The following SPOCK1 variants were observed in gnomAD, a reference collection of about 807,000 sequenced individuals.
SPOCK1 encodes SPARC (osteonectin), cwcv and kazal like domains proteoglycan 1.
In SPOCK1, 23 loss-of-function variants were observed where a neutral mutation model predicts 55.3. The ratio of observed to expected loss-of-function variants is 0.42; its 90% CI spans 0.30 to 0.59. SPOCK1 has a LOEUF of 0.59. Among genes scored for constraint, SPOCK1 ranks in the 20% least tolerant of loss-of-function variants. SPOCK1 has a pLI of 0.22. For missense variants in SPOCK1, 499 were observed against 552.5 expected (o/e 0.90, Z 0.97); for synonymous variants, 226 against 221.0 (o/e 1.02, Z -0.20).
At chr5:136,992,690 A>G (rs1750971656) in intron 6 of SPOCK1, 90 bp from the exon 7 acceptor site, 1 of 929,674 alleles carries the variant, frequency 1.1e-6, no homozygotes, top group Non-Finnish European at 1.6e-6. Flanking sequence ...TTCAAAGCAA[A>G]CCTTTCTATC....
chr5:137,332,387 C>A (rs938194011), intron 2 of SPOCK1, among the ~76,000 whole-genome samples: 18 of 152,212 alleles, frequency 1.2e-4, no homozygotes, highest in Non-Finnish European at 1.5e-5. Context: ...CATCTTCTCC[C>A]ACCCCGAGAA....
intron 3 of SPOCK1, among the ~76,000 whole-genome samples, chr5:137,215,444 G>A (rs551432888): frequency 6.6e-6 from 1 of 152,128 alleles, no homozygotes; most frequent in Non-Finnish European, 1.5e-5. Context: ...AAGAGGAAAA[G>A]CCACAGCACC....
chr5:137,454,411 A>G (rs1041650182), intron 2 of SPOCK1, among the ~76,000 whole-genome samples: 1 of 152,214 alleles, frequency 6.6e-6, no homozygotes, highest in Non-Finnish European at 1.5e-5. Context: ...AATAACATTC[A>G]CATGAAAGAG....
At chr5:137,412,131 A>G (rs764793676) in intron 2 of SPOCK1, among the ~76,000 whole-genome samples, 2 of 152,216 alleles carry the variant, frequency 1.3e-5, no homozygotes, top group African/African-American at 2.4e-5. Flanking sequence ...CAGTGTCCTC[A>G]TGTATTACTT....
intron 8 of SPOCK1, among the ~76,000 whole-genome samples, chr5:136,985,739 A>G (rs1230794328): frequency 6.6e-6 from 1 of 152,204 alleles, no homozygotes; most frequent in Non-Finnish European, 1.5e-5. Context: ...GAGACTTTGT[A>G]TCTAGGCTCT....
Position 137,136,611 on chromosome 5 carries a change from A to G in SPOCK1, c.347+3969T>C, listed in dbSNP as rs1196370314. Among the ~76,000 whole-genome samples, 5 of 152,314 alleles carry G rather than the reference A, an allele frequency of 3.3e-5. No individual in the cohort carries two copies. The East Asian group carries it at 7.7e-4, about 24-fold the overall frequency. On this transcript the variant is annotated intron_variant, in intron 4 of 10. Transcript: ENST00000394945. ...ATTACTGTTTTTAGAGAGTGTGACC[A>G]TTGCCTATTTCTTGTTTCTTTTTTT...
At chr5:137,432,431 A>T (rs1752768015) in intron 2 of SPOCK1, among the ~76,000 whole-genome samples, 1 of 148,554 alleles carries the variant, frequency 6.7e-6, no homozygotes, top group African/African-American at 2.5e-5. Flanking sequence ...CCATAAAAAA[A>T]GGAAATTCTG....
chr5:137,071,678 C>T (rs951111858), intron 5 of SPOCK1, among the ~76,000 whole-genome samples: 8 of 152,192 alleles, frequency 5.3e-5, no homozygotes, highest in African/African-American at 1.4e-4. Context: ...TGAGCAAGTG[C>T]GGGTAGAGCC....
intron 3 of SPOCK1, among the ~76,000 whole-genome samples, chr5:137,222,257 CT>C (rs1755870344): frequency 6.6e-6 from 1 of 152,162 alleles, no homozygotes; most frequent in Non-Finnish European, 1.5e-5. Context: ...CCCGCCCCCA[CT>C]TCAGAGTAGG....
chr5:137,279,772 T>C lies in SPOCK1; in HGVS notation c.187-12717A>G, dbSNP rs1051777833. Among the ~76,000 whole-genome samples, 4 of 152,240 alleles carry C rather than the reference T, an allele frequency of 2.6e-5. No homozygotes were observed. In the East Asian group the frequency reaches 7.7e-4, roughly 29 times the overall value. ...AGGCTAAGCCATGACACTGTATCTATGCCACCCAAGGGACAAGAAGCAAGC... is the reference window on the plus strand; with the variant it reads ...AGGCTAAGCCATGACACTGTATCTACGCCACCCAAGGGACAAGAAGCAAGC... On this transcript the variant is annotated intron_variant, in intron 2 of 10. Coordinates refer to ENST00000394945, the MANE Select transcript of SPOCK1 (RefSeq NM_004598.4).
At chr5:137,060,988 T>C (rs1752385449) in intron 6 of SPOCK1, among the ~76,000 whole-genome samples, 1 of 152,222 alleles carries the variant, frequency 6.6e-6, no homozygotes, top group Non-Finnish European at 1.5e-5. Flanking sequence ...TTTTTTAAGG[T>C]CATGACATTT....
In SPOCK1 at chr5:137,191,323, T is replaced by C. The variant is rs146942053; in HGVS notation, c.233-50629A>G. 7.0e-4 allele frequency among the ~76,000 whole-genome samples: 107 copies of C among 152,314 alleles called. 2 individuals carry two copies. The East Asian group carries it at 0.02, about 29-fold the overall frequency. On this transcript the variant is annotated intron_variant, in intron 3 of 10. Transcript: ENST00000394945. The stretch of plus-strand genomic sequence containing the variant: ...AGTCCTTAGTTAATATGTATCTAAC[T>C]AATCTTCTCCATTCTCTTTTTTCAT...
At chr5:137,090,594 G>T (rs995731880) in intron 5 of SPOCK1, among the ~76,000 whole-genome samples, 16 of 152,204 alleles carry the variant, frequency 1.1e-4, no homozygotes, top group African/African-American at 3.4e-4. Context: ...CAGGCATGGG[G>T]ACCCAGCAGG....
At chr5:137,124,528 T>G (rs960857087) in intron 4 of SPOCK1, among the ~76,000 whole-genome samples, 2 of 152,156 alleles carry the variant, frequency 1.3e-5, no homozygotes, top group African/African-American at 4.8e-5. Flanking sequence ...GCCTCATGGC[T>G]GAGGCAGTCC....
At chr5:137,308,101 T>C (rs1482550958) in intron 2 of SPOCK1, among the ~76,000 whole-genome samples, 2 of 152,214 alleles carry the variant, frequency 1.3e-5, no homozygotes, top group Admixed American at 6.5e-5. Context: ...ATCTCCCCTA[T>C]TGAACTTTAC....
At chr5:137,060,621 T>C (rs1752379012) in intron 6 of SPOCK1, among the ~76,000 whole-genome samples, 1 of 131,718 alleles carries the variant, frequency 7.6e-6, no homozygotes, top group Admixed American at 7.7e-5. Context: ...GAATGTATGT[T>C]AATTTTGTAC....
At chr5:137,092,715 C>T (rs1455000182) in intron 5 of SPOCK1, among the ~76,000 whole-genome samples, 1 of 152,192 alleles carries the variant, frequency 6.6e-6, no homozygotes, top group Non-Finnish European at 1.5e-5. Flanking sequence ...AAAGATCAAT[C>T]GATGAATGGA....
At chr5:137,216,441 T>A (rs556845008) in intron 3 of SPOCK1, among the ~76,000 whole-genome samples, 1 of 152,248 alleles carries the variant, frequency 6.6e-6, no homozygotes, top group African/African-American at 2.4e-5. Context: ...CCGGGTGCAG[T>A]GGCTCATGCC....
At chr5:137,165,812 A>C (rs1159704183) in intron 3 of SPOCK1, among the ~76,000 whole-genome samples, 2 of 152,194 alleles carry the variant, frequency 1.3e-5, no homozygotes, top group Non-Finnish European at 2.9e-5. Context: ...AGAATTGATC[A>C]AACAGAAGAA....
Sources: allele counts gnomAD v4.1 joint callset (sites outside exome capture counted in the v4.1 genomes callset), GRCh38; gene constraint gnomAD v4.1.1; transcripts MANE v1.5; gene names NCBI Gene and HGNC (gene_info 2026-07-23, HGNC 2026-07-21).